Variants in NR2F1-AS1 observed in about 807,000 individuals in gnomAD.
The protein encoded by NR2F1-AS1 is NR2F1 regulatory antisense RNA 1, also known as NR2F1 antisense RNA 1.
intron 4 of NR2F1-AS1, among the ~76,000 whole-genome samples, chr5:93,446,910 C>A (rs1028166483): frequency 3.9e-5 from 6 of 152,116 alleles, no homozygotes; most frequent in Non-Finnish European, 7.4e-5. Flanking sequence ...ACATCTACAA[C>A]CATCTGATCT....
intron 4 of NR2F1-AS1, among the ~76,000 whole-genome samples, chr5:93,521,824 G>A (rs1264734306): frequency 6.6e-6 from 1 of 151,704 alleles, no homozygotes; most frequent in Non-Finnish European, 1.5e-5. Context: ...ACAGCTAAAA[G>A]CCTGCCATTC....
At chr5:93,533,513 T>C (rs1751775371) in intron 4 of NR2F1-AS1, among the ~76,000 whole-genome samples, 1 of 152,056 alleles carries the variant, frequency 6.6e-6, no homozygotes, top group Non-Finnish European at 1.5e-5. Context: ...AAAATTAAAT[T>C]AATTGCCTGG....
At chr5:93,456,301 A>G (rs1749945867) in intron 4 of NR2F1-AS1, among the ~76,000 whole-genome samples, 1 of 152,248 alleles carries the variant, frequency 6.6e-6, no homozygotes, top group South Asian at 2.1e-4. Context: ...TCTAAGAACA[A>G]ATAACTGGAA....
intron 2 of NR2F1-AS1, among the ~76,000 whole-genome samples, chr5:93,560,237 A>AT (rs1267658821): frequency 1.3e-5 from 2 of 152,158 alleles, no homozygotes; most frequent in Non-Finnish European, 2.9e-5. Context: ...TAAATTAAGG[A>AT]TTTTTTTACA....
At chr5:93,541,920 G>A (rs1434127607) in intron 4 of NR2F1-AS1, 1 of 151,578 alleles carries the variant, frequency 6.6e-6, no homozygotes, top group Non-Finnish European at 1.5e-5. Flanking sequence ...CAAAATTAAT[G>A]TAAAAATCTA....
At chr5:93,426,477 A>G (rs1749197846) in intron 4 of NR2F1-AS1, among the ~76,000 whole-genome samples, 2 of 152,220 alleles carry the variant, frequency 1.3e-5, no homozygotes, top group African/African-American at 4.8e-5. Flanking sequence ...TTTTGATGTA[A>G]TACAAACAAC....
intron 4 of NR2F1-AS1, among the ~76,000 whole-genome samples, chr5:93,415,400 T>C (rs1346232381): frequency 6.6e-6 from 1 of 152,166 alleles, no homozygotes; most frequent in African/African-American, 2.4e-5. Flanking sequence ...CTTACTCATA[T>C]GCCAGATCTA....
upstream of NR2F1-AS1, among the ~76,000 whole-genome samples, chr5:93,581,507 G>C (rs1222139183): frequency 6.6e-6 from 1 of 152,008 alleles, no homozygotes; most frequent in Non-Finnish European, 1.5e-5. Context: ...CTGCGGGGAG[G>C]GGAGGAGGGA....
intron 4 of NR2F1-AS1, among the ~76,000 whole-genome samples, chr5:93,456,658 A>T (rs945411555): frequency 6.8e-5 from 10 of 145,986 alleles, no homozygotes; most frequent in African/African-American, 2.5e-5. Context: ...TACATTTTTA[A>T]TTTTTTTTTT....
At chr5:93,503,483 A>C (rs911410590) in intron 4 of NR2F1-AS1, among the ~76,000 whole-genome samples, 1 of 152,244 alleles carries the variant, frequency 6.6e-6, no homozygotes, top group African/African-American at 2.4e-5. Context: ...AATTCGAAAT[A>C]GAAAAGTTTT....
chr5:93,411,463 A>C (rs1561422423), intron 4 of NR2F1-AS1: 2 of 152,236 alleles, frequency 1.3e-5, no homozygotes, highest in Non-Finnish European at 2.9e-5. Flanking sequence ...GGGTGATTTG[A>C]AGCAGGTACT....
intron 4 of NR2F1-AS1, among the ~76,000 whole-genome samples, chr5:93,524,345 T>G (rs896442840): frequency 6.6e-6 from 1 of 151,856 alleles, no homozygotes; most frequent in African/African-American, 2.4e-5. Flanking sequence ...CTCCAAGAAA[T>G]AGGGGACTAT....
chr5:93,572,470 G>C (rs938437820), intron 1 of NR2F1-AS1, among the ~76,000 whole-genome samples: 8 of 152,200 alleles, frequency 5.3e-5, no homozygotes, highest in Non-Finnish European at 1.2e-4. Flanking sequence ...CTATCGGCCG[G>C]GTCACCTGTC....
intron 4 of NR2F1-AS1, among the ~76,000 whole-genome samples, chr5:93,420,246 C>T (rs1478383034): frequency 6.6e-6 from 1 of 152,166 alleles, no homozygotes; most frequent in Non-Finnish European, 1.5e-5. Context: ...ACAGCAAAAG[C>T]TGGGATGAGC....
At chr5:93,550,369 C>G (rs1438085467) in intron 4 of NR2F1-AS1, among the ~76,000 whole-genome samples, 1 of 152,190 alleles carries the variant, frequency 6.6e-6, no homozygotes, top group East Asian at 1.9e-4. Context: ...GAGACCCTCC[C>G]TATTAATAAC....
chr5:93,500,867 G>A (rs996355617), intron 4 of NR2F1-AS1, among the ~76,000 whole-genome samples: 4 of 151,944 alleles, frequency 2.6e-5, no homozygotes, highest in Admixed American at 1.3e-4. Context: ...TGCCTGCCTC[G>A]GCCTCCCAAA....
chr5:93,460,548 T>A (rs1750066528), intron 4 of NR2F1-AS1, among the ~76,000 whole-genome samples: 1 of 152,104 alleles, frequency 6.6e-6, no homozygotes, highest in Admixed American at 6.6e-5. Context: ...TTTCTACAGA[T>A]GCCACCACTC....
intron 4 of NR2F1-AS1, among the ~76,000 whole-genome samples, chr5:93,551,549 A>T (rs952101983): frequency 6.6e-6 from 1 of 152,108 alleles, no homozygotes; most frequent in Non-Finnish European, 1.5e-5. Flanking sequence ...AATATTGGCC[A>T]TTATAAGCTT....
At chr5:93,424,142 A>C (rs954768822) in intron 4 of NR2F1-AS1, among the ~76,000 whole-genome samples, 1 of 152,068 alleles carries the variant, frequency 6.6e-6, no homozygotes, top group Non-Finnish European at 1.5e-5. Flanking sequence ...TCTCTGTACC[A>C]AATACTTTCT....
Sources: gnomAD v4.1 joint callset for allele counts (sites outside exome capture counted in the v4.1 genomes callset) on GRCh38, gnomAD v4.1.1 for gene constraint, MANE v1.5 for transcripts, NCBI Gene and HGNC (gene_info 2026-07-23, HGNC 2026-07-21) for gene names.